Variants in BLOC1S5 observed in about 807,000 individuals in gnomAD.
BLOC1S5 encodes the protein biogenesis of lysosomal organelles complex 1 subunit 5, also known as biogenesis of lysosome-related organelles complex 1 subunit 5.
BLOC1S5 carries 27 observed loss-of-function variants against 24.3 expected under a neutral mutation model. That is an observed-to-expected ratio of 1.11 (90% CI 0.82 to 1.53). The LOEUF is 1.53. Ranked by LOEUF, BLOC1S5 falls within the 40% of genes most tolerant of loss-of-function variation. BLOC1S5 has a pLI of 0.00. For missense variants in BLOC1S5, 239 were observed against 229.4 expected (o/e 1.04, Z -0.27); for synonymous variants, 84 against 74.5 (o/e 1.13, Z -0.66).
intron 1 of BLOC1S5, among the ~76,000 whole-genome samples, chr6:8,063,573 T>C (rs1757335899): frequency 6.6e-6 from 1 of 152,194 alleles, no homozygotes; most frequent in Non-Finnish European, 1.5e-5. Flanking sequence ...CATATCTTCT[T>C]AAGCATGTCA....
chr6:8,064,172 G>T, intron 1 of BLOC1S5, 93 bp downstream of exon 1: 1 of 1,106,128 alleles, frequency 9.0e-7, no homozygotes, highest in South Asian at 1.7e-5. Context: ...GCGCCAGCCC[G>T]GGACCCGGGG....
chr6:8,030,576 G>A (rs1015144423), intron 3 of BLOC1S5, among the ~76,000 whole-genome samples: 2 of 151,696 alleles, frequency 1.3e-5, no homozygotes, highest in African/African-American at 4.8e-5. Flanking sequence ...AGGAGAGTCA[G>A]TGAGCTCAAG....
At chr6:8,018,138 T>A (rs1762805102) in intron 4 of BLOC1S5, 2 of 152,248 alleles carry the variant, frequency 1.3e-5, no homozygotes, top group Non-Finnish European at 2.9e-5. Context: ...GGGAGGAGTT[T>A]ACTCATCCAA....
At chr6:8,043,622 C>T (rs1201646867) in intron 2 of BLOC1S5, among the ~76,000 whole-genome samples, 1 of 152,130 alleles carries the variant, frequency 6.6e-6, no homozygotes, top group Non-Finnish European at 1.5e-5. Context: ...GATTCTGGAA[C>T]AGAAAGGGGA....
chr6:8,015,755 G>T lies in BLOC1S5; in HGVS notation c.458C>A (p.Pro153His), dbSNP rs1406336449. Residue 153 changes from proline (P) to histidine (H), a missense_variant, in exon 5 of 5, where the codon CCC becomes CAC. Pro to His is a moderately conservative substitution (Grantham distance 77, BLOSUM62 -2). Coordinates refer to ENST00000397457, the MANE Select transcript of BLOC1S5 (RefSeq NM_201280.3). ...LQWDNFMKEQ[P>H]NKRAEVDEEH... is the part of the protein sequence containing the mutation. ...TTCATCCACTTCAGCCCTTTTGTTG[G>T]GTTGCTCCTTCATGAAGTTGTCCCA... 3 of 1,613,870 alleles carry T rather than the reference G, an allele frequency of 1.9e-6. No individual in the cohort carries two copies. Among genetic ancestry groups the T allele is most frequent in the Admixed American group, 3.3e-5 (2 of 59,990 alleles).
intron 3 of BLOC1S5, among the ~76,000 whole-genome samples, chr6:8,035,455 G>A (rs1393135931): frequency 3.3e-5 from 5 of 151,664 alleles, no homozygotes; most frequent in Admixed American, 3.3e-4. Flanking sequence ...AGTTCTATGT[G>A]CTAATGAAAA....
rs140467933 is a variant in BLOC1S5, at chr6:8,036,373, CAG to C, written c.325+4764_325+4765del. 9.7e-3 allele frequency among the ~76,000 whole-genome samples: 1,473 copies of C among 152,130 alleles called. 26 individuals are homozygous for C. Among genetic ancestry groups the C allele is most frequent in the African/African-American group, 0.034 (1,403 of 41,510 alleles). ...TAAATAAAATTGAGGCTAAAAACAT[CAG>C]AGTCATTAAACTATTATCAACAACT... On this transcript the variant is annotated intron_variant, in intron 3 of 4. Transcript: ENST00000397457.
chr6:8,046,808 A>C (rs932724991), intron 2 of BLOC1S5, among the ~76,000 whole-genome samples: 1 of 151,974 alleles, frequency 6.6e-6, no homozygotes, highest in Non-Finnish European at 1.5e-5. Context: ...TCTGTCGCTG[A>C]GATCACACTA....
At chr6:8,041,312 C>CCTTT (rs1763674131) in intron 2 of BLOC1S5, 44 bp from the exon 3 acceptor site, 1 of 858,584 alleles carries the variant, frequency 1.2e-6, no homozygotes, top group African/African-American at 2.4e-5. Context: ...GTGTCTTTTC[C>CCTTT]TTTTTTTTTT....
chr6:8,026,398 C>T lies in BLOC1S5; in HGVS notation c.353G>A (p.Arg118Lys). ...TCGTTCCTGTTCCCTCTGTTGGAGT[C>T]TACAGACTGAGTCATTAGCTGCTTG... ...RLQAANDSVC[R>K]LQQREQERKK... The change falls in exon 4 of 5, where the codon AGA becomes AAA. Residue 118 changes from arginine (R) to lysine (K), a missense_variant. By Grantham distance (26) the Arg-to-Lys change is conservative. Transcript: ENST00000397457. The T allele has an allele frequency of 1.2e-6, 2 of 1,613,484 alleles. No homozygotes were observed. Among genetic ancestry groups the T allele is most frequent in the Non-Finnish European group, 1.7e-6 (2 of 1,179,720 alleles).
At position 8,051,914 on chromosome 6, in the gene BLOC1S5, G is replaced by A. The variant is rs1764116715; in HGVS notation, c.195+10620C>T. ...TGACAATACACCTGGTTACCTGATGGAGATAGACAAGAAGATGCGTGTTGT... is the reference window on the plus strand; with the variant it reads ...TGACAATACACCTGGTTACCTGATGAAGATAGACAAGAAGATGCGTGTTGT... On this transcript the variant is annotated intron_variant, in intron 2 of 4. Coordinates refer to ENST00000397457, the MANE Select transcript of BLOC1S5 (RefSeq NM_201280.3). Among the ~76,000 whole-genome samples, 3 of 151,288 alleles carry A rather than the reference G, an allele frequency of 2.0e-5. No homozygotes were observed. The South Asian group carries it at 6.2e-4, about 31-fold the overall frequency.
intron 2 of BLOC1S5, among the ~76,000 whole-genome samples, chr6:8,042,864 C>T (rs1423724936): frequency 6.6e-6 from 1 of 152,198 alleles, no homozygotes; most frequent in Non-Finnish European, 1.5e-5. Flanking sequence ...AATAAAACCC[C>T]TGGACTCCTA....
At chr6:8,045,185 A>G (rs979929366) in intron 2 of BLOC1S5, among the ~76,000 whole-genome samples, 7 of 152,216 alleles carry the variant, frequency 4.6e-5, no homozygotes, top group African/African-American at 1.4e-4. Flanking sequence ...CAGTGGCTGA[A>G]AGGGGCCGAC....
At chr6:8,058,357 G>GAAAAAAAAAAAAAAAAAAAAAAAAA (rs60827828) in intron 2 of BLOC1S5, among the ~76,000 whole-genome samples, 1 of 84,554 alleles carries the variant, frequency 1.2e-5, no homozygotes, top group African/African-American at 3.5e-5. Context: ...CTGTCTCTAT[G>GAAAAAAAAAAAAAAAAAAAAAAAAA]AAAAAAAAAA....
At chr6:8,032,236 A>G (rs1022823494) in intron 3 of BLOC1S5, among the ~76,000 whole-genome samples, 5 of 152,236 alleles carry the variant, frequency 3.3e-5, no homozygotes, top group African/African-American at 1.2e-4. Context: ...ACTAATATGC[A>G]GAGTCTACAA....
Position 8,019,420 on chromosome 6 carries a change from C to A in BLOC1S5, c.385-3592G>T, listed in dbSNP as rs187935795. 9.7e-3 allele frequency among the ~76,000 whole-genome samples: 1,471 copies of A among 152,162 alleles called. 26 individuals carry two copies. Among genetic ancestry groups the A allele is most frequent in the African/African-American group, 0.034 (1,400 of 41,504 alleles). The stretch of plus-strand genomic sequence containing the variant: ...AGTAGCTGGGATTACAGGCAACCAC[C>A]ACCACACCTGGACAATTTTTGTATT... On this transcript the variant is annotated intron_variant, in intron 4 of 4. Transcript: ENST00000397457.
chr6:8,036,198 A>T (rs138587479), intron 3 of BLOC1S5, among the ~76,000 whole-genome samples: 206 of 152,272 alleles, frequency 1.4e-3, no homozygotes, highest in African/African-American at 4.7e-3. Flanking sequence ...AACATACCCA[A>T]ATCTATGGGA....
At chr6:8,027,135 G>C in intron 3 of BLOC1S5, 1 of 313,922 alleles carries the variant, frequency 3.2e-6, no homozygotes, top group Non-Finnish European at 6.3e-6. Context: ...AATGAAACCA[G>C]TTGTAATTCT....
At chr6:8,024,509 C>A (rs2113524602) in intron 4 of BLOC1S5, among the ~76,000 whole-genome samples, 4 of 88,676 alleles carry the variant, frequency 4.5e-5, no homozygotes, top group Admixed American at 1.8e-4. Context: ...AGTGAGACTC[C>A]ATCTCAAAAA....
Sources: allele counts gnomAD v4.1 joint callset (sites outside exome capture counted in the v4.1 genomes callset), GRCh38; gene constraint gnomAD v4.1.1; transcripts MANE v1.5; gene names NCBI Gene and HGNC (gene_info 2026-07-23, HGNC 2026-07-21).